Variants in TRIM71 observed in about 807,000 individuals in gnomAD.
TRIM71 encodes the protein tripartite motif containing 71.
A neutral mutation model predicts 61.2 loss-of-function variants in TRIM71; 9 were observed. That is an observed-to-expected ratio of 0.15 (90% CI 0.09 to 0.26). The LOEUF (loss-of-function observed/expected upper bound fraction) is 0.26, where lower values mean the gene tolerates loss of function less well. Among genes scored for constraint, TRIM71 ranks in the 10% least tolerant of loss-of-function variants. The pLI is 1.00. For synonymous variants in TRIM71, 645 were observed against 553.2 expected, an observed-to-expected ratio of 1.17 and a Z score of -2.33; for missense variants, 998 against 1,238.7, an observed-to-expected ratio of 0.81 and a Z score of 2.92.
chr3:32,855,755 A>G (rs1440507299), intron 1 of TRIM71, among the ~76,000 whole-genome samples: 1 of 152,110 alleles, frequency 6.6e-6, no homozygotes, highest in Non-Finnish European at 1.5e-5. Context: ...GTATAAGCTG[A>G]CATGTGGTTT....
In TRIM71 at chr3:32,861,834, G is replaced by A. The variant is rs571407575; in HGVS notation, c.853-11984G>A. On this transcript the variant is annotated intron_variant, in intron 1 of 3. Coordinates refer to ENST00000383763, the MANE Select transcript of TRIM71 (RefSeq NM_001039111.3). ...ACTTGGGACTTGGAGACAAATCTCC[G>A]TAATTCACAGACATGCCCCAGCACC... is the stretch of plus-strand genomic sequence containing the variant. Among the ~76,000 whole-genome samples, 15 of 152,138 alleles carry A rather than the reference G, an allele frequency of 9.9e-5. No individual in the cohort carries two copies. In the East Asian group the frequency reaches 2.7e-3, roughly 28 times the overall value.
chr3:32,848,544 C>T (rs1447900482), intron 1 of TRIM71, among the ~76,000 whole-genome samples: 2 of 152,156 alleles, frequency 1.3e-5, no homozygotes, highest in Non-Finnish European at 2.9e-5. Flanking sequence ...TCTGCTATCT[C>T]TTTATCTCAT....
chr3:32,877,453 G>A (rs1248607197), intron 2 of TRIM71, among the ~76,000 whole-genome samples: 1 of 151,668 alleles, frequency 6.6e-6, no homozygotes, highest in Non-Finnish European at 1.5e-5. Context: ...GGGCTTTTAG[G>A]CAATCCATCC....
At chr3:32,885,121 C>T (rs1343457371) in intron 2 of TRIM71, among the ~76,000 whole-genome samples, 2 of 152,146 alleles carry the variant, frequency 1.3e-5, no homozygotes, top group African/African-American at 4.8e-5. Context: ...TTCCTAAGCC[C>T]ATACCAGGCT....
At chr3:32,826,064 C>A (rs1005455477) in intron 1 of TRIM71, among the ~76,000 whole-genome samples, 1 of 152,166 alleles carries the variant, frequency 6.6e-6, no homozygotes, top group Non-Finnish European at 1.5e-5. Flanking sequence ...TTGCCTCTCC[C>A]ATGCCATCTC....
At chr3:32,848,407 G>T (rs959800597) in intron 1 of TRIM71, among the ~76,000 whole-genome samples, 15 of 152,266 alleles carry the variant, frequency 9.9e-5, no homozygotes, top group African/African-American at 3.6e-4. Flanking sequence ...AAGTCAGCTG[G>T]TCTTGTCACT....
chr3:32,874,865 G>T (rs1196672810), intron 2 of TRIM71, among the ~76,000 whole-genome samples: 1 of 151,822 alleles, frequency 6.6e-6, no homozygotes, highest in African/African-American at 2.4e-5. Flanking sequence ...CTGTCACCCA[G>T]GCTGGAGTGT....
chr3:32,848,859 G>A (rs1176359133), intron 1 of TRIM71, among the ~76,000 whole-genome samples: 1 of 152,126 alleles, frequency 6.6e-6, no homozygotes, highest in Admixed American at 6.6e-5. Flanking sequence ...TAGTGTCATG[G>A]AGCAGTGGAA....
rs1697021617 is a variant in TRIM71 at position 32,891,282 on chromosome 3, A to G, written c.2078A>G (p.Lys693Arg). The G allele has an allele frequency of 1.2e-6, 2 of 1,613,854 alleles. No homozygotes were observed. Among genetic ancestry groups the G allele is most frequent in the African/African-American group, 2.7e-5 (2 of 74,910 alleles). ...EGQFLLKFGE[K>R]GTKNGQFNYP... The stretch of plus-strand genomic sequence containing the variant: ...CAGTTCCTCCTCAAGTTTGGTGAGA[A>G]AGGAACCAAGAATGGGCAGTTCAAC... Residue 693 changes from lysine (K) to arginine (R), a missense_variant, in exon 4 of 4, where the codon AAA (lysine) becomes AGA (arginine). Physicochemically the swap from Lys to Arg is conservative, Grantham distance 26. This residue lies in a region of TRIM71 where 83 missense variants were observed against 202.7 expected (regional missense o/e 0.41). Transcript: ENST00000383763. This position sits in a 1 kb window ranked among gnomAD's most constrained non-coding sequence, Gnocchi z 8.2.
intron 1 of TRIM71, among the ~76,000 whole-genome samples, chr3:32,833,184 T>TTAAAAAAAA (rs1205034641): frequency 3.7e-5 from 2 of 54,428 alleles, no homozygotes; most frequent in African/African-American, 1.3e-4. Context: ...ACTCTGTCTT[T>TTAAAAAAAA]AAAAAAAAAA....
intron 1 of TRIM71, among the ~76,000 whole-genome samples, chr3:32,821,679 G>C (rs1464641433): frequency 6.6e-6 from 1 of 152,178 alleles, no homozygotes; most frequent in Non-Finnish European, 1.5e-5. Flanking sequence ...AGGCCTGCAG[G>C]CTCCGTGGCC....
At chr3:32,850,169 G>A (rs1285535005) in intron 1 of TRIM71, among the ~76,000 whole-genome samples, 1 of 152,212 alleles carries the variant, frequency 6.6e-6, no homozygotes, top group African/African-American at 2.4e-5. Context: ...TGAGGCATCT[G>A]AGTTTAAAAT....
chr3:32,818,824 A>G lies in TRIM71; in HGVS notation c.744A>G (p.Ala248=). The G allele has an allele frequency of 6.2e-7, 1 of 1,610,884 alleles. No homozygotes were observed. Among genetic ancestry groups the G allele is most frequent in the East Asian group, 2.2e-5 (1 of 44,798 alleles). The change falls in exon 1 of 4, where the codon GCA becomes GCG. Residue 248 remains alanine (A), a synonymous_variant. Coordinates refer to ENST00000383763, the MANE Select transcript of TRIM71 (RefSeq NM_001039111.3). ...GCGGCCCGCCGGGTCCCGGTGCCGCAGCAGCGGCGCAGCAGCTCGGGCTCG... is the reference window on the plus strand; with the variant it reads ...GCGGCCCGCCGGGTCCCGGTGCCGCGGCAGCGGCGCAGCAGCTCGGGCTCG... The part of the protein sequence containing the change: ...IERGPPGPGA[A]AAAQQLGLGP...
intron 1 of TRIM71, among the ~76,000 whole-genome samples, chr3:32,833,410 C>T (rs1696297587): frequency 6.6e-6 from 1 of 151,952 alleles, no homozygotes; most frequent in African/African-American, 2.4e-5. Flanking sequence ...GTAGACTTCA[C>T]ATTGGGATAA....
At chr3:32,878,683 C>T (rs1005494613) in intron 2 of TRIM71, among the ~76,000 whole-genome samples, 1 of 152,208 alleles carries the variant, frequency 6.6e-6, no homozygotes, top group Non-Finnish European at 1.5e-5. Flanking sequence ...AACAGACATG[C>T]TGTCATCCAG....
chr3:32,875,041 G>A (rs1371122388), intron 2 of TRIM71, among the ~76,000 whole-genome samples: 4 of 151,962 alleles, frequency 2.6e-5, no homozygotes, highest in African/African-American at 4.8e-5. Context: ...GGTTGGTCTC[G>A]AACTCCTGAC....
intron 1 of TRIM71, among the ~76,000 whole-genome samples, chr3:32,842,983 A>T (rs1696429433): frequency 7.3e-6 from 1 of 137,170 alleles, no homozygotes; most frequent in Non-Finnish European, 1.6e-5. Context: ...ATGCTTTTTG[A>T]TGGTGATTCC....
chr3:32,861,925 G>A (rs1559545201), intron 1 of TRIM71, among the ~76,000 whole-genome samples: 2 of 152,156 alleles, frequency 1.3e-5, no homozygotes, highest in Non-Finnish European at 2.9e-5. Context: ...GGTACTTCTT[G>A]GCATTCAGAG....
chr3:32,836,376 CTCCTGT>C (rs1431342362), intron 1 of TRIM71, among the ~76,000 whole-genome samples: 8 of 152,166 alleles, frequency 5.3e-5, no homozygotes, highest in Non-Finnish European at 8.8e-5. Context: ...GAATTCCCTG[CTCCTGT>C]TCCTGGGCTG....
Sources: gnomAD v4.1 joint callset for allele counts (sites outside exome capture counted in the v4.1 genomes callset) on GRCh38, gnomAD v4.1.1 for gene constraint, gnomAD v4.1.1 regional missense constraint, Gnocchi (gnomAD v3.1) non-coding constraint, MANE v1.5 for transcripts, NCBI Gene and HGNC (gene_info 2026-07-23, HGNC 2026-07-21) for gene names.